The following POLI variants were observed in gnomAD, a reference collection of about 807,000 sequenced individuals.
The protein encoded by POLI is RAD30 homolog B.
A neutral mutation model predicts 51.6 loss-of-function variants in POLI; 58 were observed. That is an observed-to-expected ratio of 1.12 (90% confidence interval 0.91 to 1.40). The LOEUF (loss-of-function observed/expected upper bound fraction) is 1.40. Among genes scored for constraint, POLI ranks in the 40% most tolerant of loss-of-function variants. The pLI is 0.00. For missense variants in POLI, 921 were observed against 871.3 expected, an observed-to-expected ratio of 1.06 and a Z score of -0.72; for synonymous variants, 322 against 299.7, an observed-to-expected ratio of 1.07 and a Z score of -0.77.
chr18:54,298,097 G>C lies in POLI; in HGVS notation c.*3630G>C. 3 of 958,182 alleles carry C rather than the reference G, an allele frequency of 3.1e-6. No homozygotes were observed. Among genetic ancestry groups the C allele is most frequent in the Non-Finnish European group, 2.5e-6 (2 of 805,308 alleles). 59.4% of individuals were successfully genotyped at this position (958,182 alleles called of 1,614,324 possible). A position where few individuals can be genotyped will look rare whatever the true frequency, so the allele number is the denominator to read the frequency against. ...CAGATTTGTGTCTTCCATCAAATCT[G>C]GATTGTTTTCAATATTAAAAAAACT... On this transcript the variant is annotated 3_prime_UTR_variant, in exon 10 of 10. Coordinates refer to ENST00000579534, the MANE Select transcript of POLI (RefSeq NM_007195.3).
In POLI at chr18:54,296,247, A is replaced by G. The variant is rs964246089; in HGVS notation, c.*1780A>G. The G allele has an allele frequency of 8.1e-6, 8 of 985,440 alleles. No individual in the cohort carries two copies. The Admixed American group carries it at 1.8e-4, about 23-fold the overall frequency. The allele number at this position is 985,440 out of a possible 1,614,324, so 61.0% of individuals were successfully genotyped here. On this transcript the variant is annotated 3_prime_UTR_variant, in exon 10 of 10. Transcript: ENST00000579534. ...CTTAAGAAAAAATGGCTAAGAAAAC[A>G]AAGTAAATGGTTTTGGCCAGCTTAA...
At chr18:54,313,264 T>C (rs2088693280) in intron 3 of POLI, among the ~76,000 whole-genome samples, 1 of 152,218 alleles carries the variant, frequency 6.6e-6, no homozygotes, top group Non-Finnish European at 1.5e-5. Context: ...GTTGTAGGTA[T>C]GTGGCTTTAT....
chr18:54,316,517 C>T (rs992144916), intron 3 of POLI, among the ~76,000 whole-genome samples: 7 of 152,152 alleles, frequency 4.6e-5, no homozygotes, highest in Admixed American at 6.5e-5. Context: ...TATGATGTAA[C>T]ATATTCTTTT....
Position 54,294,571 on chromosome 18 carries a change from G to C in POLI, c.*104G>C. 1 of 1,378,778 alleles carries C rather than the reference G, an allele frequency of 7.3e-7. No homozygotes were observed. The allele number at this position is 1,378,778 out of a possible 1,614,324, so 85.4% of individuals were successfully genotyped here. On this transcript the variant is annotated 3_prime_UTR_variant, in exon 10 of 10. Transcript: ENST00000579534. ...TAAACACTAATAGATATTCAATAAC[G>C]GAGTAAACTGTTCCAGATAAAGCAA... is the stretch of plus-strand genomic sequence containing the variant.
At chr18:54,281,252 T>C (rs957420526) in intron 5 of POLI, among the ~76,000 whole-genome samples, 1 of 152,180 alleles carries the variant, frequency 6.6e-6, no homozygotes, top group Non-Finnish European at 1.5e-5. Flanking sequence ...GGAGTTCGTC[T>C]TTTACTAACT....
At position 54,294,454 on chromosome 18, in the gene POLI, T is replaced by C; in HGVS notation, c.2210T>C (p.Ile737Thr). The C allele has an allele frequency of 1.9e-6, 3 of 1,595,718 alleles. No individual in the cohort carries two copies. Among genetic ancestry groups the C allele is most frequent in the Non-Finnish European group, 2.6e-6 (3 of 1,172,628 alleles). ...AAGAGAGCAGGATCAGATTTCCACA[T>C]TGGACATAAATAAGCATATTCAGCA... ...EWKRAGSDFH[I>T]GHK The change falls in exon 10 of 10, where the codon ATT becomes ACT. Residue 737 changes from isoleucine to threonine, a missense_variant. Transcript: ENST00000579534.
chr18:54,288,093 G>T (rs541316481), intron 8 of POLI, among the ~76,000 whole-genome samples: 1 of 152,268 alleles, frequency 6.6e-6, no homozygotes, highest in African/African-American at 2.4e-5. Context: ...AACATGAACT[G>T]TTTAAGAAGC....
At chr18:54,284,127 A>T in intron 7 of POLI, 114 bp downstream of exon 7, 3 of 513,118 alleles carry the variant, frequency 5.8e-6, no homozygotes, top group Non-Finnish European at 1.1e-5. Context: ...GAGACTAAAC[A>T]ATGTAAAAAT....
chr18:54,282,682 C>T (rs1202742580), intron 5 of POLI, among the ~76,000 whole-genome samples, 155 bp from the exon 6 acceptor site: 1 of 152,012 alleles, frequency 6.6e-6, no homozygotes, highest in African/African-American at 2.4e-5. Flanking sequence ...CAGGCATCCA[C>T]TGAAGGTCTT....
intron 4 of POLI, among the ~76,000 whole-genome samples, chr18:54,320,723 T>C (rs112540274): frequency 9.5e-4 from 144 of 152,154 alleles, no homozygotes; most frequent in Middle Eastern, 3.4e-3. Context: ...AAATAATGAG[T>C]GATATGGTAG....
chr18:54,303,980 C>A (rs1380131891), intron 3 of POLI, among the ~76,000 whole-genome samples: 1 of 149,740 alleles, frequency 6.7e-6, no homozygotes, highest in East Asian at 2.0e-4. Context: ...TCTCATTGTT[C>A]AGTTCCCACC....
intron 4 of POLI, among the ~76,000 whole-genome samples, chr18:54,320,701 C>A (rs2088779253): frequency 6.6e-6 from 1 of 151,896 alleles, no homozygotes. Flanking sequence ...AACACATTAA[C>A]TATATATTGG....
At position 54,295,170 on chromosome 18, in the gene POLI, T is replaced by TG. The variant is rs3730833; in HGVS notation, c.*705dup. ...CCGTGCAAGTAAATTAAGGGAAAGA[T>TG]GGACACCAGAAAGGCAAGGTGATGG... On this transcript the variant is annotated 3_prime_UTR_variant, in exon 10 of 10. Coordinates refer to ENST00000579534, the MANE Select transcript of POLI (RefSeq NM_007195.3). 62,088 of 985,158 alleles carry TG rather than the reference T, an allele frequency of 0.063. 2,051 individuals are homozygous for TG. The highest frequency in any genetic ancestry group is 0.078 in the African/African-American group (4,464 of 57,308). 61.0% of individuals were successfully genotyped at this position (985,158 alleles called of 1,614,324 possible).
At chr18:54,287,022 TC>T (rs2087777085) in intron 7 of POLI, among the ~76,000 whole-genome samples, 1 of 152,240 alleles carries the variant, frequency 6.6e-6, no homozygotes, top group Admixed American at 6.5e-5. Flanking sequence ...GTATCTTATA[TC>T]TCTTCTATTT....
intron 4 of POLI, among the ~76,000 whole-genome samples, chr18:54,278,641 A>G (rs1206929002): frequency 6.6e-6 from 1 of 152,254 alleles, no homozygotes; most frequent in Non-Finnish European, 1.5e-5. Context: ...GTTAGCAAGA[A>G]AGCAGAATGG....
chr18:54,285,685 G>C (rs1231533150), intron 7 of POLI, among the ~76,000 whole-genome samples: 1 of 152,026 alleles, frequency 6.6e-6, no homozygotes, highest in African/African-American at 2.4e-5. Flanking sequence ...TTACGATACA[G>C]CCTTTTTCTA....
chr18:54,317,291 G>A (rs992022741), intron 3 of POLI, among the ~76,000 whole-genome samples: 2 of 152,140 alleles, frequency 1.3e-5, no homozygotes, highest in Non-Finnish European at 2.9e-5. Context: ...CCAATTGCCA[G>A]GCATGTGAGT....
intron 2 of POLI, among the ~76,000 whole-genome samples, chr18:54,273,334 T>G (rs1290806178): frequency 1.3e-5 from 2 of 151,600 alleles, no homozygotes; most frequent in African/African-American, 4.8e-5. Flanking sequence ...GAAGAGAAGT[T>G]GAGTTTTTCT....
At chr18:54,287,731 T>G in intron 8 of POLI, 19 of 171,346 alleles carry the variant, frequency 1.1e-4, no homozygotes, top group Middle Eastern at 2.8e-3. Flanking sequence ...AGGTGCATGC[T>G]ACCAGACCTG....
Sources: allele counts gnomAD v4.1 joint callset (sites outside exome capture counted in the v4.1 genomes callset), GRCh38; gene constraint gnomAD v4.1.1; transcripts MANE v1.5; gene names NCBI Gene and HGNC (gene_info 2026-07-23, HGNC 2026-07-21).